The following RTP5 variants were observed in gnomAD, a reference collection of about 807,000 sequenced individuals.
RTP5 encodes the protein receptor transporter protein 5 (putative).
RTP5 carries 30 observed loss-of-function variants against 23.5 expected under a neutral mutation model. The observed-to-expected ratio is 1.27, with a 90% confidence interval of 0.95 to 1.73. RTP5 has a LOEUF of 1.73. Ranked by LOEUF, RTP5 falls within the 40% of genes most tolerant of loss-of-function variation. The pLI is 0.00. For missense variants in RTP5, 807 were observed against 784.2 expected (o/e 1.03, Z -0.35); for synonymous variants, 354 against 342.1 (o/e 1.03, Z -0.38).
At chr2:241,870,179 G>A (rs1701289529) in intron 1 of RTP5, among the ~76,000 whole-genome samples, 1 of 152,230 alleles carries the variant, frequency 6.6e-6, no homozygotes, top group South Asian at 2.1e-4. Context: ...CCTTGGGCCA[G>A]CGCTGCCCTT....
chr2:241,872,496 G>A lies in RTP5; in HGVS notation c.941G>A (p.Gly314Asp). The A allele has an allele frequency of 6.3e-7, 1 of 1,592,022 alleles. No homozygotes were observed. The highest frequency in any genetic ancestry group is 8.6e-7 in the Non-Finnish European group (1 of 1,169,288). Residue 314 changes from glycine to aspartate, a missense_variant, in exon 2 of 2, where the codon GGC (glycine) becomes GAC (aspartate). By Grantham distance (94) the Gly-to-Asp change is moderately conservative (BLOSUM62 -1). Coordinates refer to ENST00000343216, the MANE Select transcript of RTP5 (RefSeq NM_173821.3). ...QGWGPISLNN[G>D]LVPVGKHTPT... ...TGGGGCCCCATCTCCCTCAACAATG[G>A]CCTCGTCCCTGTGGGGAAACACACG...
At chr2:241,871,615 C>G in intron 1 of RTP5, 99 bp from the exon 2 acceptor site, 1 of 1,405,580 alleles carries the variant, frequency 7.1e-7, no homozygotes, top group South Asian at 1.5e-5. Flanking sequence ...CAGCGAGGCG[C>G]TGGGGTCGGA....
At chr2:241,871,117 G>C in intron 1 of RTP5, 1 of 466,904 alleles carries the variant, frequency 2.1e-6, no homozygotes, top group Middle Eastern at 4.9e-4. Flanking sequence ...CGCCCAGCAG[G>C]GCTGCCCGGG....
intron 1 of RTP5, among the ~76,000 whole-genome samples, chr2:241,870,708 T>A (rs924488994): frequency 1.1e-4 from 16 of 152,216 alleles, no homozygotes; most frequent in African/African-American, 2.4e-5. Context: ...GGGAAGCACA[T>A]CACTGTTCCC....
rs1272031659 is a variant in RTP5, at chr2:241,872,330, A to G, written c.775A>G (p.Lys259Glu). The change falls in exon 2 of 2, where the codon AAA becomes GAA. Residue 259 changes from lysine (K) to glutamate (E), a missense_variant. Lys to Glu is a moderately conservative substitution (Grantham distance 56). Transcript: ENST00000343216. Reference protein sequence around the residue: ...SGDSVAMPGGKGFPVAIGDPL... With the variant: ...SGDSVAMPGGEGFPVAIGDPL... ...GGATTCAGTGGCCATGCCTGGGGGCAAAGGCTTCCCGGTGGCCATTGGAGA... is the reference window on the plus strand; with the variant it reads ...GGATTCAGTGGCCATGCCTGGGGGCGAAGGCTTCCCGGTGGCCATTGGAGA... 6.2e-7 allele frequency: 1 copy of G among 1,608,804 alleles called. No homozygotes were observed. The highest frequency in any genetic ancestry group is 2.2e-5 in the East Asian group (1 of 44,756).
Position 241,872,196 on chromosome 2 carries a change from AC to A in RTP5, c.643del (p.Gln215ArgfsTer18). The A allele has an allele frequency of 6.2e-7, 1 of 1,612,030 alleles. No individual in the cohort carries two copies. The highest frequency in any genetic ancestry group is 8.5e-7 in the Non-Finnish European group (1 of 1,179,292). On this transcript the variant is annotated frameshift_variant, in exon 2 of 2. Coordinates refer to ENST00000343216, the MANE Select transcript of RTP5 (RefSeq NM_173821.3). LOFTEE classifies it high-confidence loss of function. ...TTCTCCCTTGTGGGTACCAGCAATG[AC>A]CAGGTGCCCATCGCTGAGGGCCCTG... ...IPFSLVGTSN[D>X]QVPIAEGPAP... is the part of the protein sequence containing the mutation.
At position 241,872,781 on chromosome 2, in the gene RTP5, A is replaced by G. The variant is rs761874223; in HGVS notation, c.1226A>G (p.Asn409Ser). The change falls in exon 2 of 2, where the codon AAT becomes AGT. Residue 409 changes from asparagine to serine, a missense_variant. Transcript: ENST00000343216. ...PVGHDALPET[N>S]AGGLPSQVKG... Reference sequence around the variant, plus strand: ...GGTCACGACGCCCTGCCAGAGACCAATGCTGGTGGCCTCCCCTCCCAGGTC... The same window carrying G: ...GGTCACGACGCCCTGCCAGAGACCAGTGCTGGTGGCCTCCCCTCCCAGGTC... 8.1e-6 allele frequency: 13 copies of G among 1,606,198 alleles called. No homozygotes were observed. The highest frequency in any genetic ancestry group is 4.4e-5 in the South Asian group (4 of 90,714).
chr2:241,872,422 C>A lies in RTP5; in HGVS notation c.867C>A (p.Leu289=), dbSNP rs1239792189. Residue 289 remains leucine (L), a synonymous_variant, in exon 2 of 2, where the codon CTC becomes CTA. Coordinates refer to ENST00000343216, the MANE Select transcript of RTP5 (RefSeq NM_173821.3). ...SIQTFELKGF[L]FKGRGSLCSP... ...AGACCTTCGAGCTCAAGGGCTTCCT[C>A]TTCAAAGGCCGGGGCTCCCTCTGCA... 1.2e-6 allele frequency: 2 copies of A among 1,611,364 alleles called. No homozygotes were observed. Among genetic ancestry groups the A allele is most frequent in the East Asian group, 4.5e-5 (2 of 44,890 alleles).
At chr2:241,871,016 G>A (rs1181178811) in intron 1 of RTP5, 1 of 471,126 alleles carries the variant, frequency 2.1e-6, no homozygotes, top group Admixed American at 2.3e-5. Flanking sequence ...ACAGCTGCTT[G>A]TGTGGCTAGC....
chr2:241,873,173 C>A lies in RTP5; in HGVS notation c.1618C>A (p.Pro540Thr). The part of the protein sequence containing the change: ...GRACRRPHAE[P>T]YEDFWIWVSM... ...TGCCTGCCGTAGGCCGCACGCCGAG[C>A]CCTACGAGGACTTCTGGATCTGGGT... The change falls in exon 2 of 2, where the codon CCC becomes ACC. Residue 540 changes from proline (P) to threonine (T), a missense_variant. Pro to Thr is a conservative substitution (Grantham distance 38, BLOSUM62 -1). Transcript: ENST00000343216. 1 of 1,611,406 alleles carries A rather than the reference C, an allele frequency of 6.2e-7. No individual in the cohort carries two copies. The highest frequency in any genetic ancestry group is 8.5e-7 in the Non-Finnish European group (1 of 1,179,828).
At chr2:241,870,066 G>A (rs975665678) in intron 1 of RTP5, 152 bp downstream of exon 1, 65 of 836,576 alleles carry the variant, frequency 7.8e-5, no homozygotes, top group Non-Finnish European at 1.0e-4. Context: ...TTCTCCCGCC[G>A]GAGCCCCTGC....
rs1462364767 is a variant in RTP5 at position 241,872,003 on chromosome 2, G to A, written c.448G>A (p.Gly150Arg). 6.3e-7 allele frequency: 1 copy of A among 1,580,468 alleles called. No individual in the cohort carries two copies. Residue 150 changes from glycine (G) to arginine (R), a missense_variant, in exon 2 of 2, where the codon GGG (glycine) becomes AGG (arginine). Coordinates refer to ENST00000343216, the MANE Select transcript of RTP5 (RefSeq NM_173821.3). ...YEGCCEACEL[G>R]VCFLQKAPDP... is the part of the protein sequence containing the mutation. ...GGGCTGCTGTGAGGCCTGTGAGCTG[G>A]GGGTCTGCTTCCTCCAGAAGGCCCC...
Position 241,872,749 on chromosome 2 carries a change from C to T in RTP5, c.1194C>T (p.Val398=). The T allele has an allele frequency of 1.3e-6, 2 of 1,597,836 alleles. No individual in the cohort carries two copies. Among genetic ancestry groups the T allele is most frequent in the Non-Finnish European group, 1.7e-6 (2 of 1,170,494 alleles). The change falls in exon 2 of 2, where the codon GTC becomes GTT. Residue 398 remains valine (V), a synonymous_variant. Coordinates refer to ENST00000343216, the MANE Select transcript of RTP5 (RefSeq NM_173821.3). ...NGKEGGGQGL[V]PVGHDALPET... is the part of the protein sequence containing the mutation. ...AGGAAGGAGGCGGCCAGGGCCTCGT[C>T]CCAGTGGGTCACGACGCCCTGCCAG...
chr2:241,873,102 A>G lies in RTP5; in HGVS notation c.1547A>G (p.Lys516Arg). 1 of 1,612,778 alleles carries G rather than the reference A, an allele frequency of 6.2e-7. No homozygotes were observed. Among genetic ancestry groups the G allele is most frequent in the Non-Finnish European group, 8.5e-7 (1 of 1,179,954 alleles). Residue 516 changes from lysine (K) to arginine (R), a missense_variant, in exon 2 of 2, where the codon AAG becomes AGG. Lys to Arg is a conservative substitution (Grantham distance 26). Coordinates refer to ENST00000343216, the MANE Select transcript of RTP5 (RefSeq NM_173821.3). The part of the protein sequence containing the change: ...QKRQLRSRFH[K>R]ARCGCRREED... ...AGGCAGCTGAGGTCCAGGTTCCACA[A>G]GGCCCGCTGTGGGTGCCGCCGGGAG...
At position 241,873,213 on chromosome 2, in the gene RTP5, G is replaced by A. The variant is rs1701361660; in HGVS notation, c.1658G>A (p.Cys553Tyr). Reference protein sequence around the residue: ...DFWIWVSMTVCVFWLMCMCRL... With the variant: ...DFWIWVSMTVYVFWLMCMCRL... ...TGGATCTGGGTGTCCATGACCGTGT[G>A]CGTCTTCTGGCTGATGTGCATGTGT... The change falls in exon 2 of 2, where the codon TGC becomes TAC. Residue 553 changes from cysteine (C) to tyrosine (Y), a missense_variant. Physicochemically the swap from Cys to Tyr is radical, Grantham distance 194 (BLOSUM62 -2). Transcript: ENST00000343216. 6.2e-7 allele frequency: 1 copy of A among 1,606,128 alleles called. No homozygotes were observed. The highest frequency in any genetic ancestry group is 1.3e-5 in the African/African-American group (1 of 75,006).
Position 241,869,930 on chromosome 2 carries a change from G to A in RTP5, c.158+16G>A. On this transcript the variant is annotated intron_variant, in intron 1 of 1. Transcript: ENST00000343216. The stretch of plus-strand genomic sequence containing the variant: ...GGCTCTCGAGGTGCGGCCAGAGGTT[G>A]GGGACCCTGGGAGAGGCAGGGGGCT... The A allele has an allele frequency of 6.7e-7, 1 of 1,486,476 alleles. No homozygotes were observed. The highest frequency in any genetic ancestry group is 8.9e-7 in the Non-Finnish European group (1 of 1,122,838). 92.1% of individuals were successfully genotyped at this position (1,486,476 alleles called of 1,614,324 possible). A position where few individuals can be genotyped will look rare whatever the true frequency, so the allele number is the denominator to read the frequency against.
intron 1 of RTP5, chr2:241,871,038 G>A (rs75070632): frequency 4.2e-6 from 2 of 471,004 alleles, no homozygotes; most frequent in East Asian, 7.0e-5. Context: ...AATGGTCACC[G>A]GTCTGATGAC....
chr2:241,873,196 G>T lies in RTP5; in HGVS notation c.1641G>T (p.Trp547Cys), dbSNP rs541145009. ...HAEPYEDFWIWVSMTVCVFWL... is the reference protein window; with the variant it reads ...HAEPYEDFWICVSMTVCVFWL... ...AGCCCTACGAGGACTTCTGGATCTG[G>T]GTGTCCATGACCGTGTGCGTCTTCT... Residue 547 changes from tryptophan to cysteine, a missense_variant, in exon 2 of 2, where the codon TGG becomes TGT. Physicochemically the swap from Trp to Cys is radical, Grantham distance 215. Coordinates refer to ENST00000343216, the MANE Select transcript of RTP5 (RefSeq NM_173821.3). 1 of 1,609,748 alleles carries T rather than the reference G, an allele frequency of 6.2e-7. No homozygotes were observed. The highest frequency in any genetic ancestry group is 8.5e-7 in the Non-Finnish European group (1 of 1,179,810).
rs766342073 is a variant in RTP5 at position 241,872,067 on chromosome 2, T to G, written c.512T>G (p.Phe171Cys). 40 of 1,568,486 alleles carry G rather than the reference T, an allele frequency of 2.6e-5. No homozygotes were observed. Among genetic ancestry groups the G allele is most frequent in the Non-Finnish European group, 3.3e-5 (38 of 1,152,298 alleles). ...AGCGCCAACGCCACAAAAGGCAACT[T>G]CCCCGCCACGGCCTGGGGTGGCACT... The part of the protein sequence containing the change: ...AWSANATKGN[F>C]PATAWGGTGT... The change falls in exon 2 of 2, where the codon TTC becomes TGC. Residue 171 changes from phenylalanine (F) to cysteine (C), a missense_variant. Phe to Cys is a radical substitution (Grantham distance 205, BLOSUM62 -2). Coordinates refer to ENST00000343216, the MANE Select transcript of RTP5 (RefSeq NM_173821.3).
Sources: allele counts gnomAD v4.1 joint callset (sites outside exome capture counted in the v4.1 genomes callset), GRCh38; gene constraint gnomAD v4.1.1; transcripts MANE v1.5; gene names NCBI Gene and HGNC (gene_info 2026-07-23, HGNC 2026-07-21).